The following CCT5 variants were observed in gnomAD, a reference collection of about 807,000 sequenced individuals.
The protein encoded by CCT5 is chaperonin containing TCP1 subunit 5, also known as T-complex protein 1 subunit epsilon.
CCT5 carries 6 observed loss-of-function variants against 55.0 expected under a neutral mutation model. That is an observed-to-expected ratio of 0.11 (90% CI 0.06 to 0.22). CCT5 has a LOEUF of 0.22. Ranked by LOEUF, CCT5 falls within the 10% of genes least tolerant of loss-of-function variation. The probability of loss-of-function intolerance (pLI) is 1.00; values close to 1 mark genes in which losing one functional copy is unlikely to be tolerated. For synonymous variants in CCT5, 231 were observed against 243.7 expected, an observed-to-expected ratio of 0.95 and a Z score of 0.49; for missense variants, 560 against 694.6, an observed-to-expected ratio of 0.81 and a Z score of 2.18.
intron 4 of CCT5, among the ~76,000 whole-genome samples, chr5:10,257,222 A>G (rs546732175): frequency 1.3e-5 from 2 of 152,340 alleles, no homozygotes; most frequent in Admixed American, 1.3e-4. Flanking sequence ...GTTAGAGCAG[A>G]AGCCTTCAGC....
intron 3 of CCT5, 178 bp downstream of exon 3, chr5:10,255,016 A>G (rs1453109850): frequency 1.6e-6 from 1 of 631,014 alleles, no homozygotes; most frequent in African/African-American, 1.8e-5. Flanking sequence ...TTACAAAAGA[A>G]CAGAAAGAGG....
intron 10 of CCT5, among the ~76,000 whole-genome samples, chr5:10,264,138 C>A (rs2607285): frequency 0.72 from 108,806 of 151,702 alleles, 42,096 homozygotes; most frequent in East Asian, 0.86. Context: ...CAGGCCTGGT[C>A]AGGGCAGGCA....
chr5:10,264,788 A>C lies in CCT5; in HGVS notation c.*5A>C, dbSNP rs533404395. The C allele has an allele frequency of 8.6e-5, 138 of 1,611,702 alleles. No individual in the cohort carries two copies. The Middle Eastern group carries it at 1.7e-3, about 19-fold the overall frequency. ...CCTGGAGAATCTGAAGAATGAAGACATTGAGAAAACTATGTAGCAAGATCC... is the reference window on the plus strand; with the variant it reads ...CCTGGAGAATCTGAAGAATGAAGACCTTGAGAAAACTATGTAGCAAGATCC... On this transcript the variant is annotated 3_prime_UTR_variant, in exon 11 of 11. Coordinates refer to ENST00000280326, the MANE Select transcript of CCT5 (RefSeq NM_012073.5).
Position 10,265,030 on chromosome 5 carries a change from G to A in CCT5, c.*247G>A, listed in dbSNP as rs762877455. The A allele has an allele frequency of 1.8e-5, 8 of 445,558 alleles. No individual in the cohort carries two copies. Among genetic ancestry groups the A allele is most frequent in the Admixed American group, 1.2e-4 (3 of 24,952 alleles). The allele number at this position is 445,558 out of a possible 1,614,324, so 27.6% of individuals were successfully genotyped here. A position where few individuals can be genotyped will look rare whatever the true frequency, so the allele number is the denominator to read the frequency against. On this transcript the variant is annotated 3_prime_UTR_variant, in exon 11 of 11. Transcript: ENST00000280326. ...TTTAAACAACCTTTATCTTCTCTTC[G>A]GGTTTAAGAAACGTTTATTGTAACA...
chr5:10,261,460 C>A, intron 7 of CCT5, 100 bp from the exon 8 acceptor site: 2 of 1,106,744 alleles, frequency 1.8e-6, no homozygotes, highest in Admixed American at 1.7e-5. Flanking sequence ...TTCTAGTGAA[C>A]AAGTTGGTCT....
intron 2 of CCT5, 27 bp downstream of exon 2, chr5:10,254,232 T>C (rs1464972271): frequency 1.4e-6 from 2 of 1,440,776 alleles, no homozygotes; most frequent in East Asian, 2.3e-5. Context: ...CCGTGTTTTT[T>C]AGCAAAAGAT....
At chr5:10,256,839 A>G (rs1411792149) in intron 4 of CCT5, among the ~76,000 whole-genome samples, 1 of 152,210 alleles carries the variant, frequency 6.6e-6, no homozygotes, top group Non-Finnish European at 1.5e-5. Flanking sequence ...ATAATTTAGT[A>G]AAGAGAGTCT....
In CCT5 at chr5:10,262,624, G is replaced by A. The variant is rs1746021723; in HGVS notation, c.1317+6G>A. The A allele has an allele frequency of 1.2e-6, 2 of 1,614,064 alleles. No homozygotes were observed. The highest frequency in any genetic ancestry group is 1.7e-4 in the Middle Eastern group (1 of 6,060). Reference sequence around the variant, plus strand: ...TTAGCCAAGAGGCGGATAAGGTAAGGGATCTGTGCAGACTTAGTGAAAGAT... The same window carrying A: ...TTAGCCAAGAGGCGGATAAGGTAAGAGATCTGTGCAGACTTAGTGAAAGAT... On this transcript the variant is annotated splice_donor_region_variant and intron_variant, in intron 9 of 10. Transcript: ENST00000280326.
intron 1 of CCT5, among the ~76,000 whole-genome samples, chr5:10,253,335 A>AC (rs931431969): frequency 6.6e-6 from 1 of 151,636 alleles, no homozygotes; most frequent in Non-Finnish European, 1.5e-5. Flanking sequence ...TCTCAAAAAA[A>AC]AAAAGGCCAG....
chr5:10,261,712 T>C lies in CCT5; in HGVS notation c.1146T>C (p.Ala382=). 6.2e-7 allele frequency: 1 copy of C among 1,614,124 alleles called. No homozygotes were observed. The highest frequency in any genetic ancestry group is 2.2e-5 in the East Asian group (1 of 44,870). ...TCGAGCAGTGTAAGAACTCCAGAGC[T>C]GTAACCATTTTTATTAGAGGAGGAA... ...LVIEQCKNSR[A]VTIFIRGGNK... is the part of the protein sequence containing the mutation. Residue 382 remains alanine, a synonymous_variant, in exon 8 of 11, where the codon GCT becomes GCC. Coordinates refer to ENST00000280326, the MANE Select transcript of CCT5 (RefSeq NM_012073.5).
At position 10,266,290 on chromosome 5, in the gene CCT5, T is replaced by C. The variant is rs1290054604; in HGVS notation, c.*1507T>C. On this transcript the variant is annotated 3_prime_UTR_variant, in exon 11 of 11. Coordinates refer to ENST00000280326, the MANE Select transcript of CCT5 (RefSeq NM_012073.5). ...TGAACCTCACAGACGTTCCTGTTTTTTGTGATTGAGAAACTGGTCAATGAA... is the reference window on the plus strand; with the variant it reads ...TGAACCTCACAGACGTTCCTGTTTTCTGTGATTGAGAAACTGGTCAATGAA... The C allele has an allele frequency of 2.6e-5, 4 of 152,350 alleles. No homozygotes were observed. The highest frequency in any genetic ancestry group is 9.6e-5 in the African/African-American group (4 of 41,580). The allele number at this position is 152,350 out of a possible 1,614,324, so 9.4% of individuals were successfully genotyped here.
At chr5:10,251,662 C>T (rs978930309) in intron 1 of CCT5, among the ~76,000 whole-genome samples, 1 of 152,112 alleles carries the variant, frequency 6.6e-6, no homozygotes, top group African/African-American at 2.4e-5. Flanking sequence ...CTCCGTCAAG[C>T]TGAAGACTTG....
At chr5:10,252,956 A>G (rs1362404002) in intron 1 of CCT5, among the ~76,000 whole-genome samples, 13 of 151,784 alleles carry the variant, frequency 8.6e-5, no homozygotes, top group Admixed American at 6.6e-4. Flanking sequence ...CTATTACTCA[A>G]TTTGGTAGCT....
In CCT5 at chr5:10,266,285, G is replaced by GT. The variant is rs1746231513; in HGVS notation, c.*1508dup. ...AAAATTGAACCTCACAGACGTTCCTGTTTTTTGTGATTGAGAAACTGGTCA... is the reference window on the plus strand; with the variant it reads ...AAAATTGAACCTCACAGACGTTCCTGTTTTTTTGTGATTGAGAAACTGGTCA... On this transcript the variant is annotated 3_prime_UTR_variant, in exon 11 of 11. Transcript: ENST00000280326. 2.0e-5 allele frequency: 3 copies of GT among 152,254 alleles called. No individual in the cohort carries two copies. The highest frequency in any genetic ancestry group is 6.5e-5 in the Admixed American group (1 of 15,292). The allele number at this position is 152,254 out of a possible 1,614,324, so 9.4% of individuals were successfully genotyped here. A position where few individuals can be genotyped will look rare whatever the true frequency, so the allele number is the denominator to read the frequency against.
intron 1 of CCT5, 91 bp downstream of exon 1, chr5:10,250,536 C>A: frequency 6.4e-7 from 1 of 1,561,510 alleles, no homozygotes; most frequent in Non-Finnish European, 8.7e-7. Flanking sequence ...GCGGCTCTGC[C>A]ATGTGCTCCC....
upstream of CCT5, chr5:10,249,936 C>CAAAAAAAAAAA (rs1745277137): frequency 1.5e-5 from 5 of 334,134 alleles, 1 homozygote; most frequent in Non-Finnish European, 2.3e-5. Context: ...AAAAAAAAAC[C>CAAAAAAAAAAA]GGAAATGGGT....
At chr5:10,257,405 T>A (rs878951247) in intron 4 of CCT5, among the ~76,000 whole-genome samples, 2 of 152,248 alleles carry the variant, frequency 1.3e-5, no homozygotes, top group Non-Finnish European at 2.9e-5. Context: ...GCTTTATAAG[T>A]TGGCCTTGTT....
chr5:10,264,515 C>T, intron 10 of CCT5, 141 bp from the exon 11 acceptor site: 1 of 695,908 alleles, frequency 1.4e-6, no homozygotes, highest in East Asian at 2.6e-5. Flanking sequence ...TGAAATATAA[C>T]TGAAATTAGT....
At chr5:10,251,174 G>C (rs1745385922) in intron 1 of CCT5, among the ~76,000 whole-genome samples, 1 of 152,152 alleles carries the variant, frequency 6.6e-6, no homozygotes. Context: ...GGTTTTAATG[G>C]AGCACTGACT....
Sources: gnomAD v4.1 joint callset for allele counts (sites outside exome capture counted in the v4.1 genomes callset) on GRCh38, gnomAD v4.1.1 for gene constraint, MANE v1.5 for transcripts, NCBI Gene and HGNC (gene_info 2026-07-23, HGNC 2026-07-21) for gene names.